The following CSMD1 variants were observed in gnomAD, a reference collection of about 807,000 sequenced individuals.
CSMD1 encodes CUB and sushi domain-containing protein 1.
A neutral mutation model predicts 417.5 loss-of-function variants in CSMD1; 213 were observed. The ratio of observed to expected loss-of-function variants is 0.51; its 90% CI spans 0.46 to 0.57. The LOEUF (loss-of-function observed/expected upper bound fraction) is 0.57. Among genes scored for constraint, CSMD1 ranks in the 20% least tolerant of loss-of-function variants. The pLI is 0.00. For missense variants in CSMD1, 6,923 were observed against 4,529.7 expected, an observed-to-expected ratio of 1.53 and a Z score of -15.17; for synonymous variants, 2,862 against 1,736.8, an observed-to-expected ratio of 1.65 and a Z score of -16.11.
intron 5 of CSMD1, among the ~76,000 whole-genome samples, chr8:3,793,198 A>G (rs1056885343): frequency 1.3e-5 from 2 of 151,934 alleles, no homozygotes; most frequent in Admixed American, 6.6e-5. Flanking sequence ...CTGTTTAGCA[A>G]TTTTTCTCTC....
At chr8:3,374,970 G>T (rs79710118) in intron 18 of CSMD1, among the ~76,000 whole-genome samples, 2 of 152,154 alleles carry the variant, frequency 1.3e-5, no homozygotes, top group Non-Finnish European at 2.9e-5. Flanking sequence ...GTTGAAGCAC[G>T]CAGACAATTT....
At chr8:3,513,068 G>C (rs1001925126) in intron 10 of CSMD1, among the ~76,000 whole-genome samples, 2 of 151,900 alleles carry the variant, frequency 1.3e-5, no homozygotes, top group African/African-American at 4.8e-5. Context: ...ACGGATAGCT[G>C]TGTTTTCATG....
At chr8:4,756,302 T>G (rs532650274) in intron 1 of CSMD1, among the ~76,000 whole-genome samples, 1 of 152,286 alleles carries the variant, frequency 6.6e-6, no homozygotes, top group East Asian at 1.9e-4. Flanking sequence ...GAGAAAGTTT[T>G]AAATATTGAA....
chr8:4,714,815 A>T (rs778558480), intron 1 of CSMD1, among the ~76,000 whole-genome samples: 6 of 152,230 alleles, frequency 3.9e-5, no homozygotes, highest in Non-Finnish European at 7.3e-5. Flanking sequence ...TCAACATTAT[A>T]AACAGTAACA....
chr8:3,600,281 A>G (rs1801298858), intron 8 of CSMD1, among the ~76,000 whole-genome samples: 1 of 152,156 alleles, frequency 6.6e-6, no homozygotes, highest in South Asian at 2.1e-4. Context: ...TCCTCATAAA[A>G]TTTAGAATTT....
intron 5 of CSMD1, among the ~76,000 whole-genome samples, chr8:3,920,357 GTT>G (rs1491163762): frequency 0.014 from 2,126 of 149,478 alleles, 13 homozygotes; most frequent in Non-Finnish European, 0.019. Flanking sequence ...ATGCGTGTGT[GTT>G]TGTGTGTGTG....
At chr8:3,245,372 C>G (rs951870159) in intron 26 of CSMD1, among the ~76,000 whole-genome samples, 1 of 152,164 alleles carries the variant, frequency 6.6e-6, no homozygotes, top group Non-Finnish European at 1.5e-5. Context: ...CTGAATTCTC[C>G]CTGCAGGAGA....
intron 4 of CSMD1, among the ~76,000 whole-genome samples, chr8:4,031,483 C>T (rs1585168016): frequency 6.6e-6 from 1 of 152,224 alleles, no homozygotes; most frequent in South Asian, 2.1e-4. Flanking sequence ...ACACTTACCC[C>T]CATGATTCAA....
chr8:4,381,658 C>T (rs1297319000), intron 3 of CSMD1, among the ~76,000 whole-genome samples: 1 of 152,182 alleles, frequency 6.6e-6, no homozygotes, highest in Non-Finnish European at 1.5e-5. Flanking sequence ...TCCCCCAACC[C>T]TCATTCCCCA....
chr8:4,508,940 G>C (rs1377287445), intron 2 of CSMD1, among the ~76,000 whole-genome samples: 1 of 152,100 alleles, frequency 6.6e-6, no homozygotes, highest in African/African-American at 2.4e-5. Flanking sequence ...CCACAGGACA[G>C]GTCCAATGTG....
At chr8:4,679,268 G>A (rs1198924339) in intron 1 of CSMD1, among the ~76,000 whole-genome samples, 4 of 152,114 alleles carry the variant, frequency 2.6e-5, no homozygotes, top group Non-Finnish European at 4.4e-5. Context: ...GTGAACACCC[G>A]AGAAGGTAGC....
chr8:3,881,608 C>CAAAAAAAAAAA (rs370466578), intron 5 of CSMD1, among the ~76,000 whole-genome samples: 2 of 102,558 alleles, frequency 2.0e-5, no homozygotes, highest in African/African-American at 3.2e-5. Context: ...GACTCCATCT[C>CAAAAAAAAAAA]AAAAAAAAAA....
chr8:3,873,089 G>T (rs1805589850), intron 5 of CSMD1, among the ~76,000 whole-genome samples: 1 of 152,074 alleles, frequency 6.6e-6, no homozygotes, highest in Admixed American at 6.6e-5. Flanking sequence ...AATGGAACAT[G>T]TATACACTCT....
intron 2 of CSMD1, among the ~76,000 whole-genome samples, chr8:4,567,662 G>C (rs1386742462): frequency 6.6e-6 from 1 of 152,110 alleles, no homozygotes; most frequent in Non-Finnish European, 1.5e-5. Flanking sequence ...AAGGACGAAG[G>C]TTCTTCTGCC....
chr8:4,360,124 G>A (rs1026937655), intron 3 of CSMD1, among the ~76,000 whole-genome samples: 8 of 152,134 alleles, frequency 5.3e-5, no homozygotes, highest in Non-Finnish European at 8.8e-5. Flanking sequence ...CCTCTCTGCA[G>A]GTTTGGCTGT....
intron 23 of CSMD1, among the ~76,000 whole-genome samples, chr8:3,310,768 C>T (rs892026343): frequency 2.6e-5 from 4 of 152,110 alleles, no homozygotes; most frequent in African/African-American, 7.2e-5. Flanking sequence ...TGAATGGCAG[C>T]GGGGCCAGGA....
At chr8:3,254,838 C>G (rs772093954) in intron 26 of CSMD1, among the ~76,000 whole-genome samples, 1 of 151,938 alleles carries the variant, frequency 6.6e-6, no homozygotes, top group Non-Finnish European at 1.5e-5. Context: ...AGCTCGGGGT[C>G]GTTTGCTAGT....
In CSMD1 at chr8:3,886,683, A is replaced by G. The variant is rs559192709; in HGVS notation, c.818+111220T>C. Reference sequence around the variant, plus strand: ...AACAGCTACTGATGATTCAAAACCTACTACATGTTAGACACTTATGGAAGT... The same window carrying G: ...AACAGCTACTGATGATTCAAAACCTGCTACATGTTAGACACTTATGGAAGT... On this transcript the variant is annotated intron_variant, in intron 5 of 69. Coordinates refer to ENST00000635120, the MANE Select transcript of CSMD1 (RefSeq NM_033225.6). Among the ~76,000 whole-genome samples, 6 of 152,300 alleles carry G rather than the reference A, an allele frequency of 3.9e-5. No homozygotes were observed. In the East Asian group the frequency reaches 7.7e-4, roughly 20 times the overall value.
At chr8:3,527,484 G>C (rs966647123) in intron 10 of CSMD1, among the ~76,000 whole-genome samples, 13 of 152,052 alleles carry the variant, frequency 8.5e-5, no homozygotes, top group African/African-American at 1.9e-4. Flanking sequence ...ACTATGAAAA[G>C]GTTTCCCAGG....
Sources: allele counts gnomAD v4.1 joint callset (sites outside exome capture counted in the v4.1 genomes callset), GRCh38; gene constraint gnomAD v4.1.1; transcripts MANE v1.5; gene names NCBI Gene and HGNC (gene_info 2026-07-23, HGNC 2026-07-21).